The following BLOC1S2 variants were observed in gnomAD, a reference collection of about 807,000 sequenced individuals.
BLOC1S2 encodes the protein biogenesis of lysosomal organelles complex 1 subunit 2.
BLOC1S2 carries 12 observed loss-of-function variants against 19.6 expected under a neutral mutation model. The ratio of observed to expected loss-of-function variants is 0.61; its 90% CI spans 0.39 to 0.99. The LOEUF (loss-of-function observed/expected upper bound fraction) is 0.99. Ranked by LOEUF, BLOC1S2 falls within the 50% of genes least tolerant of loss-of-function variation. The probability of loss-of-function intolerance (pLI) is 0.00; values close to 1 mark genes in which losing one functional copy is unlikely to be tolerated. For synonymous variants in BLOC1S2, 66 were observed against 64.1 expected (o/e 1.03, Z -0.14); for missense variants, 142 against 171.0 (o/e 0.83, Z 0.95).
intron 1 of BLOC1S2, 99 bp from the exon 2 acceptor site, chr10:100,286,312 C>T (rs1848237490): frequency 2.0e-6 from 3 of 1,509,126 alleles, no homozygotes; most frequent in Middle Eastern, 1.9e-4. Context: ...TTCATTCCAT[C>T]AAGTCGGCTC....
rs753203671 is a variant in BLOC1S2, at chr10:100,286,644, C to G, written c.16G>C (p.Glu6Gln). The change falls in exon 1 of 5, where the codon GAG (glutamate) becomes CAG (glutamine). Residue 6 changes from glutamate to glutamine, a missense_variant. Glu to Gln is a conservative substitution (Grantham distance 29). This residue lies in a region of BLOC1S2 where 48 missense variants were observed against 29.7 expected (regional missense o/e 1.61). Transcript: ENST00000370372. ...TCACTCCGGGTCGCCAGTACGCCCT[C>G]GGCTGCCGCCGCCATAGCGGACCCC... MAAAA[E>Q]GVLATRSDEP... 1 of 1,609,640 alleles carries G rather than the reference C, an allele frequency of 6.2e-7. No homozygotes were observed. Among genetic ancestry groups the G allele is most frequent in the Non-Finnish European group, 8.5e-7 (1 of 1,178,262 alleles).
chr10:100,278,330 T>C (rs1221362092), intron 4 of BLOC1S2, among the ~76,000 whole-genome samples: 1 of 151,894 alleles, frequency 6.6e-6, no homozygotes, highest in Non-Finnish European at 1.5e-5. Flanking sequence ...GTCTGGGAGG[T>C]GTACCCAACA....
At chr10:100,281,692 A>AT (rs1285396866) in intron 2 of BLOC1S2, among the ~76,000 whole-genome samples, 28 of 101,010 alleles carry the variant, frequency 2.8e-4, no homozygotes, top group African/African-American at 7.7e-4. Flanking sequence ...CAAAAAAAAA[A>AT]AATATATATA....
At chr10:100,281,833 C>A (rs533018899) in intron 2 of BLOC1S2, among the ~76,000 whole-genome samples, 89 of 152,014 alleles carry the variant, frequency 5.9e-4, no homozygotes, top group African/African-American at 2.0e-3. Flanking sequence ...CATTTCCAAA[C>A]CATCTGTCTG....
At chr10:100,277,378 G>A (rs1296662726) in intron 4 of BLOC1S2, among the ~76,000 whole-genome samples, 2 of 150,384 alleles carry the variant, frequency 1.3e-5, no homozygotes, top group Non-Finnish European at 3.0e-5. Context: ...GGGAGGTGAG[G>A]GGCGCCTCTG....
rs1847809883 is a variant in BLOC1S2 at position 100,274,735 on chromosome 10, C to T, written c.*727G>A. Reference sequence around the variant, plus strand: ...AATCCTTTATTTTATGAGTGGCAATCGTCACCTCCCTACCCAACACATAAA... The same window carrying T: ...AATCCTTTATTTTATGAGTGGCAATTGTCACCTCCCTACCCAACACATAAA... On this transcript the variant is annotated 3_prime_UTR_variant, in exon 5 of 5. Coordinates refer to ENST00000370372, the MANE Select transcript of BLOC1S2 (RefSeq NM_173809.5). The T allele has an allele frequency of 2.6e-6, 1 of 384,144 alleles. No homozygotes were observed. The highest frequency in any genetic ancestry group is 4.6e-6 in the Non-Finnish European group (1 of 217,410). 23.8% of individuals were successfully genotyped at this position (384,144 alleles called of 1,614,324 possible). A position where few individuals can be genotyped will look rare whatever the true frequency, so the allele number is the denominator to read the frequency against.
intron 4 of BLOC1S2, among the ~76,000 whole-genome samples, chr10:100,279,647 G>A (rs1231018635): frequency 6.6e-6 from 1 of 152,180 alleles, no homozygotes; most frequent in South Asian, 2.1e-4. Flanking sequence ...GCCAGGCCGA[G>A]GTGGGCAGAT....
Position 100,286,203 on chromosome 10 carries a change from G to A in BLOC1S2, c.66C>T (p.Ala22=), listed in dbSNP as rs775898626. 13 of 1,613,814 alleles carry A rather than the reference G, an allele frequency of 8.1e-6. No homozygotes were observed. In the African/African-American group the frequency reaches 1.7e-4, roughly 22 times the overall value. The change falls in exon 2 of 5, where the codon GCC becomes GCT. Residue 22 remains alanine, a synonymous_variant. Coordinates refer to ENST00000370372, the MANE Select transcript of BLOC1S2 (RefSeq NM_173809.5). The part of the protein sequence containing the change: ...RSDEPARDDA[A]VETAEEAKEP... ...CCTTTGCTTCCTCAGCTGTCTCCACGGCGGCATCGTCTGGGCCAAGGGAGA... is the reference window on the plus strand; with the variant it reads ...CCTTTGCTTCCTCAGCTGTCTCCACAGCGGCATCGTCTGGGCCAAGGGAGA...
chr10:100,278,057 T>G (rs1165823438), intron 4 of BLOC1S2, among the ~76,000 whole-genome samples: 4 of 111,860 alleles, frequency 3.6e-5, no homozygotes, highest in Admixed American at 8.7e-5. Context: ...GGGAGGGAGG[T>G]GGGGGGCTCA....
At chr10:100,277,705 T>C (rs1422449920) in intron 4 of BLOC1S2, among the ~76,000 whole-genome samples, 1 of 96,762 alleles carries the variant, frequency 1.0e-5, no homozygotes, top group African/African-American at 4.2e-5. Flanking sequence ...GGGAGGGAGG[T>C]GGGGGGCTCA....
rs1241358888 is a variant in BLOC1S2, at chr10:100,286,094, C to T, written c.172+3G>A. 1 of 1,613,848 alleles carries T rather than the reference C, an allele frequency of 6.2e-7. No individual in the cohort carries two copies. The highest frequency in any genetic ancestry group is 1.3e-5 in the African/African-American group (1 of 75,036). Reference sequence around the variant, plus strand: ...ACCCGAATCAACCCAGACCCCGCCTCACCCGTCAGTTCCCCAGTCAGGTAA... The same window carrying T: ...ACCCGAATCAACCCAGACCCCGCCTTACCCGTCAGTTCCCCAGTCAGGTAA... On this transcript the variant is annotated splice_donor_region_variant and intron_variant, in intron 2 of 4. Transcript: ENST00000370372.
At chr10:100,286,558 G>T (rs770868856) in intron 1 of BLOC1S2, 47 bp downstream of exon 1, 19 of 1,608,206 alleles carry the variant, frequency 1.2e-5, no homozygotes, top group Non-Finnish European at 1.5e-5. Context: ...CCGAGACGGA[G>T]CCCCAGGCCC....
intron 4 of BLOC1S2, among the ~76,000 whole-genome samples, chr10:100,277,031 C>A (rs1160234187): frequency 0.045 from 6,227 of 139,224 alleles, 113 homozygotes; most frequent in African/African-American, 0.16. Flanking sequence ...CGTCTCTGCC[C>A]GGCCGCCATC....
At chr10:100,280,875 C>A in intron 3 of BLOC1S2, 59 bp downstream of exon 3, 1 of 1,531,982 alleles carries the variant, frequency 6.5e-7, no homozygotes, top group Non-Finnish European at 8.8e-7. Flanking sequence ...TTCTCCATGG[C>A]CCCAAGCACA....
chr10:100,282,572 G>A (rs1848136672), intron 2 of BLOC1S2, among the ~76,000 whole-genome samples: 1 of 152,168 alleles, frequency 6.6e-6, no homozygotes, highest in African/African-American at 2.4e-5. Context: ...AGATGTCTAT[G>A]CCAGATGCTT....
chr10:100,283,757 C>T (rs1848168221), intron 2 of BLOC1S2, among the ~76,000 whole-genome samples: 1 of 152,108 alleles, frequency 6.6e-6, no homozygotes, highest in Admixed American at 6.5e-5. Context: ...TGCTTGTAAT[C>T]CCAGCTACTT....
At chr10:100,277,336 G>C (rs1847919552) in intron 4 of BLOC1S2, among the ~76,000 whole-genome samples, 1 of 150,558 alleles carries the variant, frequency 6.6e-6, no homozygotes, top group Non-Finnish European at 1.5e-5. Context: ...GGAGGTGGGG[G>C]TCAGCCCCCC....
At chr10:100,282,438 C>T (rs1848132780) in intron 2 of BLOC1S2, among the ~76,000 whole-genome samples, 1 of 152,212 alleles carries the variant, frequency 6.6e-6, no homozygotes, top group Admixed American at 6.5e-5. Context: ...AGTTCTTATC[C>T]TCCTAAACCT....
intron 4 of BLOC1S2, among the ~76,000 whole-genome samples, chr10:100,276,146 T>C (rs1292689362): frequency 6.6e-6 from 1 of 152,186 alleles, no homozygotes; most frequent in African/African-American, 2.4e-5. Flanking sequence ...TAAATGTAAC[T>C]GTAGAAAATA....
Sources: allele counts gnomAD v4.1 joint callset (sites outside exome capture counted in the v4.1 genomes callset), GRCh38; gene constraint gnomAD v4.1.1; regional missense constraint gnomAD v4.1.1; transcripts MANE v1.5; gene names NCBI Gene and HGNC (gene_info 2026-07-23, HGNC 2026-07-21).